FANCI: variants seen among roughly 807,000 people sequenced by gnomAD.
The protein encoded by FANCI is FA complementation group I.
FANCI carries 156 observed loss-of-function variants against 176.1 expected under a neutral mutation model. That is an observed-to-expected ratio of 0.89 (90% CI 0.78 to 1.01). The LOEUF (loss-of-function observed/expected upper bound fraction) is 1.01, where lower values mean the gene tolerates loss of function less well. Ranked by LOEUF, FANCI falls within the 50% of genes least tolerant of loss-of-function variation. FANCI has a pLI of 0.00. For synonymous variants in FANCI, 613 were observed against 541.7 expected (o/e 1.13, Z -1.83); for missense variants, 1,678 against 1,534.1 (o/e 1.09, Z -1.57).
chr15:89,247,861 T>G (rs2052058302), intron 2 of FANCI, 130 bp downstream of exon 2: 3 of 713,058 alleles, frequency 4.2e-6, no homozygotes, highest in Non-Finnish European at 2.4e-6. Context: ...GACAAGGATT[T>G]ATTTAATAAT....
At chr15:89,247,946 T>G (rs900375958) in intron 2 of FANCI, among the ~76,000 whole-genome samples, 3 of 152,222 alleles carry the variant, frequency 2.0e-5, no homozygotes, top group African/African-American at 7.2e-5. Context: ...TGACCAAGTT[T>G]AAACCTGAAA....
intron 22 of FANCI, 141 bp downstream of exon 22, chr15:89,293,204 A>T: frequency 1.1e-6 from 1 of 907,848 alleles, no homozygotes; most frequent in Non-Finnish European, 1.7e-6. Flanking sequence ...GTCTAAGACT[A>T]AACTGTGTTC....
Position 89,261,651 on chromosome 15 carries a change from G to C in FANCI, c.355G>C (p.Gly119Arg), listed in dbSNP as rs752002763. The C allele has an allele frequency of 6.2e-7, 1 of 1,614,136 alleles. No individual in the cohort carries two copies. The highest frequency in any genetic ancestry group is 1.1e-5 in the South Asian group (1 of 91,078). ...ANEFISAVRE[G>R]SLVNGKSLEL... Reference sequence around the variant, plus strand: ...TGAGTTTATTAGTGCTGTCAGAGAAGGCAGCCTAGTGAATGGAAAATCTTT... The same window carrying C: ...TGAGTTTATTAGTGCTGTCAGAGAACGCAGCCTAGTGAATGGAAAATCTTT... Residue 119 changes from glycine to arginine, a missense_variant, in exon 5 of 38, where the codon GGC (glycine) becomes CGC (arginine). Physicochemically the swap from Gly to Arg is moderately radical, Grantham distance 125 (BLOSUM62 -2). Around this residue, in one of 3 missense-constraint regions of FANCI, gnomAD observed 469 missense variants for 436.9 expected, o/e 1.07. Coordinates refer to ENST00000310775, the MANE Select transcript of FANCI (RefSeq NM_001113378.2).
chr15:89,286,083 T>G (rs1362915741), intron 18 of FANCI, among the ~76,000 whole-genome samples: 1 of 152,066 alleles, frequency 6.6e-6, no homozygotes, highest in Admixed American at 6.6e-5. Flanking sequence ...CTCCATCTCC[T>G]GGGTTCAAGC....
chr15:89,279,855 T>A (rs578051337), intron 14 of FANCI, among the ~76,000 whole-genome samples: 1 of 152,310 alleles, frequency 6.6e-6, no homozygotes, highest in South Asian at 2.1e-4. Flanking sequence ...ATTCCTATTC[T>A]TACTACCTTG....
chr15:89,306,046 T>C lies in FANCI; in HGVS notation c.3389T>C (p.Val1130Ala). ...SSQATLPNQP[V>A]EKAIIMQLGT... ...CAGGCAACCCTACCAAATCAGCCTG[T>C]TGAGAAAGCTATCATCATGCAACTG... The change falls in exon 32 of 38, where the codon GTT becomes GCT. Residue 1130 changes from valine (V) to alanine (A), a missense_variant. Val to Ala is a moderately conservative substitution (Grantham distance 64). Transcript: ENST00000310775. 1.2e-6 allele frequency: 2 copies of C among 1,614,218 alleles called. No homozygotes were observed. Among genetic ancestry groups the C allele is most frequent in the East Asian group, 2.2e-5 (1 of 44,888 alleles).
At chr15:89,296,975 C>T (rs1479572650) in intron 24 of FANCI, among the ~76,000 whole-genome samples, 3 of 139,028 alleles carry the variant, frequency 2.2e-5, no homozygotes, top group African/African-American at 6.6e-5. Flanking sequence ...GGGCTGACCC[C>T]CCCCACCTCC....
chr15:89,302,605 G>A (rs1016115772), intron 27 of FANCI, among the ~76,000 whole-genome samples: 4 of 148,082 alleles, frequency 2.7e-5, no homozygotes, highest in African/African-American at 7.5e-5. Context: ...ACAGAGTCTC[G>A]CTCTGTCTCC....
At position 89,312,890 on chromosome 15, in the gene FANCI, T is replaced by G. The variant is rs372032678; in HGVS notation, c.3652-14T>G. ...AATCATCAGGAATAAGAGAATGTGT[T>G]TCTATTTCTTTAGAATAAGAGTAAG... is the stretch of plus-strand genomic sequence containing the variant. On this transcript the variant is annotated splice_polypyrimidine_tract_variant and intron_variant, in intron 34 of 37. Transcript: ENST00000310775. 1.4e-5 allele frequency: 22 copies of G among 1,606,842 alleles called. No homozygotes were observed. Among genetic ancestry groups the G allele is most frequent in the Non-Finnish European group, 1.8e-5 (21 of 1,173,704 alleles).
chr15:89,293,806 T>A (rs962524902), intron 22 of FANCI, 27 bp from the exon 23 acceptor site: 2 of 1,609,122 alleles, frequency 1.2e-6, no homozygotes, highest in African/African-American at 2.7e-5. Context: ...TGTTTGTCCT[T>A]AGCGGTCTCT....
chr15:89,272,024 T>A (rs933396223), intron 10 of FANCI, among the ~76,000 whole-genome samples: 1 of 152,222 alleles, frequency 6.6e-6, no homozygotes, highest in Non-Finnish European at 1.5e-5. Context: ...TTTAAGAAAC[T>A]GCCTGTTTTC....
At chr15:89,292,536 C>T (rs867744630) in intron 20 of FANCI, 152 bp from the exon 21 acceptor site, 1 of 808,026 alleles carries the variant, frequency 1.2e-6, no homozygotes, top group Non-Finnish European at 1.9e-6. Flanking sequence ...ATTAATTTTC[C>T]CAGTTTTGTT....
rs530600075 is a variant in FANCI, at chr15:89,261,517, A to G, written c.289-68A>G. On this transcript the variant is annotated intron_variant, in intron 4 of 37. Coordinates refer to ENST00000310775, the MANE Select transcript of FANCI (RefSeq NM_001113378.2). ...TTCATTTATTTCAGCAAAAGACTTT[A>G]TTTCTTAGAAAGATTTATCAAACAT... The G allele has an allele frequency of 1.8e-5, 28 of 1,592,252 alleles. No individual in the cohort carries two copies. In the East Asian group the frequency reaches 5.6e-4, roughly 32 times the overall value.
chr15:89,276,977 A>G (rs751464064), intron 13 of FANCI, 86 bp downstream of exon 13: 157 of 1,405,468 alleles, frequency 1.1e-4, no homozygotes, highest in Non-Finnish European at 1.4e-4. Context: ...TTTGGTGGAC[A>G]AGGAAATTTG....
At chr15:89,310,348 G>C (rs1376309109) in intron 34 of FANCI, among the ~76,000 whole-genome samples, 1 of 152,216 alleles carries the variant, frequency 6.6e-6, no homozygotes, top group Admixed American at 6.5e-5. Flanking sequence ...TTGCTCTAGA[G>C]TCATACCTGG....
intron 3 of FANCI, 142 bp from the exon 4 acceptor site, chr15:89,260,571 A>G: frequency 9.4e-7 from 1 of 1,067,842 alleles, no homozygotes; most frequent in Non-Finnish European, 1.4e-6. Flanking sequence ...AAAGCCCTTA[A>G]CCATTGCTGT....
chr15:89,313,312 A>G (rs1431270468), intron 35 of FANCI, among the ~76,000 whole-genome samples: 3 of 152,216 alleles, frequency 2.0e-5, no homozygotes, highest in African/African-American at 4.8e-5. Context: ...TTACAGCTCT[A>G]TCAAGCTGTT....
intron 37 of FANCI, 69 bp from the exon 38 acceptor site, chr15:89,316,328 C>A: frequency 4.0e-5 from 57 of 1,417,062 alleles, no homozygotes; most frequent in East Asian, 1.3e-4. Context: ...TCTTTTTTTT[C>A]CTTCTTTTTA....
intron 2 of FANCI, among the ~76,000 whole-genome samples, chr15:89,256,672 A>G (rs1461171814): frequency 6.6e-6 from 1 of 152,012 alleles, no homozygotes; most frequent in Non-Finnish European, 1.5e-5. Context: ...TCCACTTGGC[A>G]TATTTCATTG....
Sources: allele counts gnomAD v4.1 joint callset (sites outside exome capture counted in the v4.1 genomes callset), GRCh38; gene constraint gnomAD v4.1.1; regional missense constraint gnomAD v4.1.1; transcripts MANE v1.5; gene names NCBI Gene and HGNC (gene_info 2026-07-23, HGNC 2026-07-21).